The following GNB5 variants were observed in gnomAD, a reference collection of about 807,000 sequenced individuals.
GNB5 encodes the protein G protein subunit beta 5, also known as guanine nucleotide-binding protein subunit beta-5.
A neutral mutation model predicts 55.3 loss-of-function variants in GNB5; 37 were observed. The ratio of observed to expected loss-of-function variants is 0.67; its 90% CI spans 0.51 to 0.88. The LOEUF (loss-of-function observed/expected upper bound fraction) is 0.88, where lower values mean the gene tolerates loss of function less well. Ranked by LOEUF, GNB5 falls within the 40% of genes least tolerant of loss-of-function variation. The pLI, the probability that GNB5 is intolerant of heterozygous loss-of-function variation, is 0.00. For missense variants in GNB5, 476 were observed against 515.3 expected (o/e 0.92, Z 0.74); for synonymous variants, 219 against 198.5 (o/e 1.10, Z -0.87).
At chr15:52,136,616 C>A (rs1431701907) in intron 7 of GNB5, among the ~76,000 whole-genome samples, 3 of 152,172 alleles carry the variant, frequency 2.0e-5, no homozygotes, top group Non-Finnish European at 2.9e-5. Flanking sequence ...TTTTCCCGAG[C>A]ACAGTGCTGC....
Position 52,168,929 on chromosome 15 carries a change from G to T in GNB5, c.238+10839C>A, listed in dbSNP as rs150022154. Among the ~76,000 whole-genome samples the T allele has an allele frequency of 6.8e-3, 1,033 of 152,320 alleles. 11 individuals are homozygous for T. Among genetic ancestry groups the T allele is most frequent in the African/African-American group, 0.024 (1,000 of 41,578 alleles). ...ACTGGCTAGCCATATGCAGAAGACTGAAACTGGACCCCTTCCTTACACCTT... is the reference window on the plus strand; with the variant it reads ...ACTGGCTAGCCATATGCAGAAGACTTAAACTGGACCCCTTCCTTACACCTT... On this transcript the variant is annotated intron_variant, in intron 3 of 12. Coordinates refer to ENST00000261837, the MANE Select transcript of GNB5 (RefSeq NM_016194.4).
chr15:52,188,760 T>C (rs1043600666), intron 1 of GNB5, among the ~76,000 whole-genome samples: 30 of 152,222 alleles, frequency 2.0e-4, no homozygotes, highest in African/African-American at 7.2e-4. Context: ...TACCTAAATA[T>C]GTGACTTAAA....
chr15:52,190,406 C>A (rs925348495), intron 1 of GNB5, among the ~76,000 whole-genome samples: 5 of 152,074 alleles, frequency 3.3e-5, no homozygotes, highest in Non-Finnish European at 1.5e-5. Flanking sequence ...CATGAGCCAC[C>A]GCGCCCAGCC....
In GNB5 at chr15:52,179,752, C is replaced by G; in HGVS notation, c.238+16G>C. 1 of 1,445,262 alleles carries G rather than the reference C, an allele frequency of 6.9e-7. No homozygotes were observed. The highest frequency in any genetic ancestry group is 9.2e-7 in the Non-Finnish European group (1 of 1,092,616). The allele number at this position is 1,445,262 out of a possible 1,614,324, so 89.5% of individuals were successfully genotyped here. A position where few individuals can be genotyped will look rare whatever the true frequency, so the allele number is the denominator to read the frequency against. On this transcript the variant is annotated intron_variant, in intron 3 of 12. Transcript: ENST00000261837. ...CCGGTCCGGCTTGCCCCGCCCGCCT[C>G]CCGGCCCGCACTCACGCTCCACATC... is the stretch of plus-strand genomic sequence containing the variant.
chr15:52,141,961 A>G (rs1490626331), intron 6 of GNB5, among the ~76,000 whole-genome samples: 1 of 152,256 alleles, frequency 6.6e-6, no homozygotes, highest in African/African-American at 2.4e-5. Flanking sequence ...CTTTTAACCT[A>G]GAACAGACAC....
intron 4 of GNB5, among the ~76,000 whole-genome samples, chr15:52,151,168 G>C (rs1028023713): frequency 2.0e-5 from 3 of 152,276 alleles, no homozygotes; most frequent in African/African-American, 4.8e-5. Context: ...CAGTGTGTGG[G>C]GTGGATTCAG....
rs117713125 is a variant in GNB5, at chr15:52,126,283, G to C, written c.913-239C>G. ...AGTCAGTAAAGAAACGGCAAATACA[G>C]CAAATTTCTTCAGGTATAAAAACAA... On this transcript the variant is annotated intron_variant, in intron 10 of 12. Transcript: ENST00000261837. Among the ~76,000 whole-genome samples, 720 of 152,244 alleles carry C rather than the reference G, an allele frequency of 4.7e-3. 17 individuals carry two copies. Among genetic ancestry groups the C allele is most frequent in the East Asian group, 0.025 (128 of 5,184 alleles).
At chr15:52,129,154 C>T (rs61237508) in intron 9 of GNB5, among the ~76,000 whole-genome samples, 79 of 152,100 alleles carry the variant, frequency 5.2e-4, no homozygotes, top group African/African-American at 1.8e-3. Context: ...CGGGGTTTCA[C>T]CATGTTGGTC....
intron 3 of GNB5, among the ~76,000 whole-genome samples, chr15:52,175,392 G>A (rs1174530440): frequency 6.6e-6 from 1 of 152,192 alleles, no homozygotes; most frequent in East Asian, 1.9e-4. Context: ...TCATCACGAA[G>A]CAGGGGCTGG....
intron 9 of GNB5, among the ~76,000 whole-genome samples, chr15:52,132,617 A>C (rs1596059730): frequency 7.4e-6 from 1 of 134,774 alleles, no homozygotes; most frequent in Admixed American, 7.5e-5. Context: ...CCTCCTCCAC[A>C]CATCACCATG....
At chr15:52,150,017 G>T in intron 4 of GNB5, 92 bp from the exon 5 acceptor site, 1 of 932,324 alleles carries the variant, frequency 1.1e-6, no homozygotes, top group Non-Finnish European at 1.8e-6. Flanking sequence ...CAGCAGGGCA[G>T]TGTGAAGTAG....
Position 52,124,517 on chromosome 15 carries a change from CG to C in GNB5, c.1131del (p.Asp378MetfsTer43). On this transcript the variant is annotated frameshift_variant, in exon 12 of 13. Coordinates refer to ENST00000261837, the MANE Select transcript of GNB5 (RefSeq NM_016194.4). LOFTEE classifies it high-confidence loss of function. Reference protein sequence around the residue: ...ENRVSTLRVSPDGTAFCSGSW... With the variant: ...ENRVSTLRVSXDGTAFCSGSW... Reference sequence around the variant, plus strand: ...GATCCAGAGCAGAAAGCAGTCCCATCGGGGGAAACTCGTAGAGTGCTAACGC... The same window carrying C: ...GATCCAGAGCAGAAAGCAGTCCCATCGGGGAAACTCGTAGAGTGCTAACGC... The C allele has an allele frequency of 1.2e-6, 2 of 1,613,958 alleles. No individual in the cohort carries two copies. Among genetic ancestry groups the C allele is most frequent in the Non-Finnish European group, 1.7e-6 (2 of 1,179,802 alleles).
chr15:52,190,981 A>G (rs563671304), intron 1 of GNB5, among the ~76,000 whole-genome samples: 20 of 152,282 alleles, frequency 1.3e-4, no homozygotes, highest in South Asian at 1.0e-3. Context: ...TTCTAACCCC[A>G]TAAGCTGTAC....
intron 3 of GNB5, among the ~76,000 whole-genome samples, chr15:52,164,942 T>A (rs2034421351): frequency 6.6e-6 from 1 of 152,130 alleles, no homozygotes; most frequent in South Asian, 2.1e-4. Context: ...TCTAACCCAA[T>A]GCAAAGAAGC....
rs765000297 is a variant in GNB5 at position 52,135,704 on chromosome 15, C to T, written c.680G>A (p.Gly227Glu). The T allele has an allele frequency of 1.9e-6, 3 of 1,612,938 alleles. No homozygotes were observed. The Admixed American group carries it at 5.0e-5, about 27-fold the overall frequency. Residue 227 changes from glycine (G) to glutamate (E), a missense_variant, in exon 8 of 13, where the codon GGG becomes GAG. Physicochemically the swap from Gly to Glu is moderately conservative, Grantham distance 98. Coordinates refer to ENST00000261837, the MANE Select transcript of GNB5 (RefSeq NM_016194.4). Reference protein sequence around the residue: ...GTCALWDVESGQLLQSFHGHG... With the variant: ...GTCALWDVESEQLLQSFHGHG... ...TCCGTGGAAGCTCTGCAGCAGCTGC[C>T]CGCTCTCCACGTCCCACAGGGCACA...
At chr15:52,130,734 A>G (rs2141188203) in intron 9 of GNB5, among the ~76,000 whole-genome samples, 1 of 152,390 alleles carries the variant, frequency 6.6e-6, no homozygotes, top group Non-Finnish European at 1.5e-5. Context: ...CTTTCTGGAC[A>G]GAGGGAAGCC....
At chr15:52,186,958 G>C (rs1277455603) in intron 1 of GNB5, among the ~76,000 whole-genome samples, 1 of 152,200 alleles carries the variant, frequency 6.6e-6, no homozygotes, top group African/African-American at 2.4e-5. Context: ...CTGCCACAGA[G>C]TGCCCAGCCC....
chr15:52,127,649 G>A (rs2141185065), intron 10 of GNB5, among the ~76,000 whole-genome samples: 1 of 152,016 alleles, frequency 6.6e-6, no homozygotes, highest in Non-Finnish European at 1.5e-5. Context: ...TAAGATATTT[G>A]ATATTTTGAA....
intron 3 of GNB5, among the ~76,000 whole-genome samples, chr15:52,178,724 C>T (rs1310574721): frequency 6.6e-6 from 1 of 152,216 alleles, no homozygotes; most frequent in Non-Finnish European, 1.5e-5. Flanking sequence ...ACAGCACACG[C>T]TAGATCCAGG....
Sources: allele counts gnomAD v4.1 joint callset (sites outside exome capture counted in the v4.1 genomes callset), GRCh38; gene constraint gnomAD v4.1.1; transcripts MANE v1.5; gene names NCBI Gene and HGNC (gene_info 2026-07-23, HGNC 2026-07-21).